The following BAIAP2L2 variants were observed in gnomAD, a reference collection of about 807,000 sequenced individuals.
BAIAP2L2 encodes BAR/IMD domain containing adaptor protein 2 like 2, also known as BAR/IMD domain-containing adapter protein 2-like 2.
BAIAP2L2 carries 65 observed loss-of-function variants against 60.4 expected under a neutral mutation model. That is an observed-to-expected ratio of 1.08 (90% confidence interval 0.88 to 1.32). The LOEUF (loss-of-function observed/expected upper bound fraction) is 1.32. BAIAP2L2 is among the 40% of genes most tolerant of loss of function. The pLI, the probability that BAIAP2L2 is intolerant of heterozygous loss-of-function variation, is 0.00. For synonymous variants in BAIAP2L2, 344 were observed against 301.7 expected, an observed-to-expected ratio of 1.14 and a Z score of -1.45; for missense variants, 836 against 741.2, an observed-to-expected ratio of 1.13 and a Z score of -1.48.
Position 38,098,097 on chromosome 22 carries a change from T to G in BAIAP2L2, c.431A>C (p.Glu144Ala). 2 of 1,599,344 alleles carry G rather than the reference T, an allele frequency of 1.3e-6. No homozygotes were observed. Among genetic ancestry groups the G allele is most frequent in the Non-Finnish European group, 1.7e-6 (2 of 1,171,470 alleles). ...CCGCACGTTCTTGTCTCTCTTGCGC[T>G]CCATGCGCCACAGCTCAGACATGCA... ...EKCMSELWRM[E>A]RKRDKNVREM... Residue 144 changes from glutamate (E) to alanine (A), a missense_variant, in exon 6 of 14, where the codon GAG becomes GCG. Physicochemically the swap from Glu to Ala is moderately radical, Grantham distance 107 (BLOSUM62 -1). Transcript: ENST00000381669.
At chr22:38,099,341 CTGGCCAACA>C (rs2146009809) in intron 4 of BAIAP2L2, among the ~76,000 whole-genome samples, 1 of 152,176 alleles carries the variant, frequency 6.6e-6, no homozygotes, top group East Asian at 1.9e-4. Context: ...CGAGACCAGC[CTGGCCAACA>C]TGGTGAAACC....
chr22:38,101,371 T>TAAAAAAAA (rs529893934), intron 4 of BAIAP2L2, among the ~76,000 whole-genome samples: 6 of 80,738 alleles, frequency 7.4e-5, no homozygotes, highest in African/African-American at 2.8e-4. Context: ...TGTCTCTACA[T>TAAAAAAAA]AAAAAAAAAA....
intron 4 of BAIAP2L2, 145 bp from the exon 5 acceptor site, chr22:38,098,627 A>G: frequency 1.7e-6 from 1 of 603,388 alleles, no homozygotes; most frequent in Non-Finnish European, 2.9e-6. Flanking sequence ...AAACGGAGAC[A>G]AGAACACCAC....
intron 6 of BAIAP2L2, 48 bp from the exon 7 acceptor site, chr22:38,097,226 C>A: frequency 6.3e-7 from 1 of 1,596,002 alleles, no homozygotes; most frequent in Admixed American, 1.7e-5. Context: ...TGTGTCTCAT[C>A]CCACCCCCCT....
chr22:38,087,273 T>C lies in BAIAP2L2; in HGVS notation c.1119-9A>G, dbSNP rs2145929793. ...CGGGGAACCAACCGCTCCTGTGGGG[T>C]AGAGGCAGAGGACAATGACCAAAAG... On this transcript the variant is annotated splice_polypyrimidine_tract_variant and intron_variant, in intron 10 of 13. Coordinates refer to ENST00000381669, the MANE Select transcript of BAIAP2L2 (RefSeq NM_025045.6). 6.3e-7 allele frequency: 1 copy of C among 1,597,468 alleles called. No homozygotes were observed. Among genetic ancestry groups the C allele is most frequent in the Middle Eastern group, 1.7e-4 (1 of 6,006 alleles).
intron 8 of BAIAP2L2, 39 bp downstream of exon 8, chr22:38,089,483 C>T: frequency 8.7e-7 from 1 of 1,149,956 alleles, no homozygotes. Context: ...CGGGGGGCGG[C>T]GGGGGCGCGA....
In BAIAP2L2 at chr22:38,107,881, G is replaced by T. The variant is rs747999330; in HGVS notation, c.247C>A (p.Arg83=). The T allele has an allele frequency of 5.6e-6, 9 of 1,613,462 alleles. No homozygotes were observed. The highest frequency in any genetic ancestry group is 7.6e-6 in the Non-Finnish European group (9 of 1,179,940). The change falls in exon 4 of 14, where the codon CGG becomes AGG. Residue 83 remains arginine (R), a synonymous_variant. Coordinates refer to ENST00000381669, the MANE Select transcript of BAIAP2L2 (RefSeq NM_025045.6). ...ACCTCCAGGTCAGAGTTCAAGTGCC[G>T]CTGGGTGTCAGACATCTGCACCAAG... The part of the protein sequence containing the change: ...EILVQMSDTQ[R]HLNSDLEVVV...
Position 38,096,954 on chromosome 22 carries a change from G to A in BAIAP2L2, c.612+78C>T. On this transcript the variant is annotated intron_variant, in intron 7 of 13. Coordinates refer to ENST00000381669, the MANE Select transcript of BAIAP2L2 (RefSeq NM_025045.6). Reference sequence around the variant, plus strand: ...AGGGAGGGAAGAGGGAAGAAGGGAGGGAAACCTCTATGTACGGCCACTCAG... The same window carrying A: ...AGGGAGGGAAGAGGGAAGAAGGGAGAGAAACCTCTATGTACGGCCACTCAG... 4 of 1,486,478 alleles carry A rather than the reference G, an allele frequency of 2.7e-6. 1 individual carries two copies. In the Middle Eastern group the frequency reaches 5.2e-4, roughly 193 times the overall value. The allele number at this position is 1,486,478 out of a possible 1,614,324, so 92.1% of individuals were successfully genotyped here. A position where few individuals can be genotyped will look rare whatever the true frequency, so the allele number is the denominator to read the frequency against.
chr22:38,105,636 C>G (rs1371951360), intron 4 of BAIAP2L2, among the ~76,000 whole-genome samples: 1 of 152,178 alleles, frequency 6.6e-6, no homozygotes, highest in East Asian at 1.9e-4. Flanking sequence ...AGCCACTGCG[C>G]CGGGACCTTT....
intron 2 of BAIAP2L2, among the ~76,000 whole-genome samples, chr22:38,108,712 T>C (rs1051971344): frequency 2.6e-5 from 4 of 151,784 alleles, no homozygotes; most frequent in Non-Finnish European, 4.4e-5. Context: ...GTGTGGGTGG[T>C]GGCCAGTTGA....
intron 8 of BAIAP2L2, 128 bp from the exon 9 acceptor site, chr22:38,089,359 A>C: frequency 3.7e-6 from 2 of 533,442 alleles, no homozygotes; most frequent in Admixed American, 4.8e-5. Context: ...CCGGGCCACC[A>C]CGGGGGCGCG....
In BAIAP2L2 at chr22:38,088,758, C is replaced by T; in HGVS notation, c.1108G>A (p.Gly370Ser). Residue 370 changes from glycine (G) to serine (S), a missense_variant, in exon 10 of 14, where the codon GGC (glycine) becomes AGC (serine). Gly to Ser is a moderately conservative substitution (Grantham distance 56). Coordinates refer to ENST00000381669, the MANE Select transcript of BAIAP2L2 (RefSeq NM_025045.6). The stretch of plus-strand genomic sequence containing the variant: ...AAGGCTCCCACTCACGCGGACGAGC[C>T]CTCCAGCTTGCCGTAGAGCCAGCCG... Reference protein sequence around the residue: ...QNGWLYGKLEGSSASGWFPEA... With the variant: ...QNGWLYGKLESSSASGWFPEA... 1.3e-6 allele frequency: 2 copies of T among 1,599,050 alleles called. No homozygotes were observed. The highest frequency in any genetic ancestry group is 8.5e-7 in the Non-Finnish European group (1 of 1,178,974).
chr22:38,103,268 TAAAG>T (rs1348318832), intron 4 of BAIAP2L2, among the ~76,000 whole-genome samples: 2 of 151,894 alleles, frequency 1.3e-5, no homozygotes, highest in African/African-American at 4.8e-5. Context: ...GCAATAGAAA[TAAAG>T]AGACAGAGCG....
rs1250756232 is a variant in BAIAP2L2, at chr22:38,097,060, G to A, written c.584C>T (p.Ser195Phe). 6.2e-7 allele frequency: 1 copy of A among 1,613,936 alleles called. No individual in the cohort carries two copies. The highest frequency in any genetic ancestry group is 1.1e-5 in the South Asian group (1 of 91,016). ...RFLAEKHLLL[S>F]NTFLQFFGRA... ...GCCGAAGAACTGCAGGAAGGTGTTG[G>A]AAAGTAGCAGGTGCTTCTCTGCTAG... The change falls in exon 7 of 14, where the codon TCC becomes TTC. Residue 195 changes from serine (S) to phenylalanine (F), a missense_variant. Transcript: ENST00000381669.
intron 4 of BAIAP2L2, among the ~76,000 whole-genome samples, chr22:38,103,393 A>G (rs1282865984): frequency 6.6e-6 from 1 of 152,252 alleles, no homozygotes; most frequent in Non-Finnish European, 1.5e-5. Context: ...GCCAGTGGCA[A>G]TGAGCACCAC....
At chr22:38,092,879 A>G (rs1205968890) in intron 7 of BAIAP2L2, among the ~76,000 whole-genome samples, 2 of 151,932 alleles carry the variant, frequency 1.3e-5, no homozygotes, top group African/African-American at 4.8e-5. Flanking sequence ...AAAAGATTGC[A>G]GTGGCCGGGC....
intron 4 of BAIAP2L2, among the ~76,000 whole-genome samples, chr22:38,099,224 C>T (rs770232329): frequency 6.6e-6 from 1 of 152,204 alleles, no homozygotes; most frequent in African/African-American, 2.4e-5. Flanking sequence ...CCTCAGTTGC[C>T]CCATCTGTAA....
In BAIAP2L2 at chr22:38,109,157, T is replaced by C; in HGVS notation, c.103A>G (p.Asn35Asp). The C allele has an allele frequency of 6.2e-7, 1 of 1,613,082 alleles. No homozygotes were observed. The highest frequency in any genetic ancestry group is 8.5e-7 in the Non-Finnish European group (1 of 1,179,704). The change falls in exon 2 of 14, where the codon AAC becomes GAC. Residue 35 changes from asparagine (N) to aspartate (D), a missense_variant. Coordinates refer to ENST00000381669, the MANE Select transcript of BAIAP2L2 (RefSeq NM_025045.6). ...CCGTGGAAGGCACGCAGGTAGTTGT[T>C]GCCCAGGTACACCAGGTTCTCCAGG... ...PALENLVYLG[N>D]NYLRAFHALS...
intron 6 of BAIAP2L2, 40 bp downstream of exon 6, chr22:38,098,023 C>CCCTACAGGG: frequency 1.2e-6 from 1 of 860,288 alleles, no homozygotes; most frequent in Non-Finnish European, 1.9e-6. Context: ...GTCTGCCCAC[C>CCCTACAGGG]CGCCCTTCCT....
Sources: allele counts gnomAD v4.1 joint callset (sites outside exome capture counted in the v4.1 genomes callset), GRCh38; gene constraint gnomAD v4.1.1; transcripts MANE v1.5; gene names NCBI Gene and HGNC (gene_info 2026-07-23, HGNC 2026-07-21).